The following RGL1 variants were observed in gnomAD, a reference collection of about 807,000 sequenced individuals.
RGL1 encodes the protein ral guanine nucleotide dissociation stimulator like 1.
Under a neutral mutation model 95.2 loss-of-function variants are expected in RGL1, and 24 were observed. The observed-to-expected ratio is 0.25, with a 90% CI of 0.18 to 0.35. The LOEUF is 0.35. Among genes scored for constraint, RGL1 ranks in the 10% least tolerant of loss-of-function variants. The pLI is 1.00. For synonymous variants in RGL1, 329 were observed against 344.9 expected, an observed-to-expected ratio of 0.95 and a Z score of 0.51; for missense variants, 715 against 936.3, an observed-to-expected ratio of 0.76 and a Z score of 3.08.
chr1:183,699,859 T>G (rs188849110), intron 1 of RGL1, among the ~76,000 whole-genome samples: 23 of 152,294 alleles, frequency 1.5e-4, no homozygotes, highest in Admixed American at 1.3e-3. Flanking sequence ...GAAGTCTGGG[T>G]TCTACAATCT....
chr1:183,852,081 A>C (rs1435587512), intron 3 of RGL1, among the ~76,000 whole-genome samples: 1 of 152,232 alleles, frequency 6.6e-6, no homozygotes, highest in African/African-American at 2.4e-5. Flanking sequence ...GCATGTGCTA[A>C]TCATACAATA....
intron 1 of RGL1, among the ~76,000 whole-genome samples, chr1:183,664,801 A>G (rs1176265974): frequency 6.6e-6 from 1 of 151,974 alleles, no homozygotes; most frequent in Non-Finnish European, 1.5e-5. Flanking sequence ...TTCTTTTTGG[A>G]TTGTCTACAT....
At chr1:183,719,510 G>T (rs1655857029) in intron 1 of RGL1, among the ~76,000 whole-genome samples, 2 of 152,124 alleles carry the variant, frequency 1.3e-5, no homozygotes, top group African/African-American at 4.8e-5. Context: ...TTCCTCCTTT[G>T]TTCTGCTAAG....
intron 1 of RGL1, among the ~76,000 whole-genome samples, chr1:183,670,766 A>G (rs757866076): frequency 2.6e-5 from 4 of 152,224 alleles, no homozygotes; most frequent in Non-Finnish European, 5.9e-5. Flanking sequence ...TGGAGTAGCA[A>G]CTTCCAAGCT....
In RGL1 at chr1:183,892,144, C is replaced by A. The variant is rs1459923029; in HGVS notation, c.1123C>A (p.Arg375=). Residue 375 remains arginine (R), a synonymous_variant, in exon 9 of 18, where the codon CGA becomes AGA. Coordinates refer to ENST00000360851, the MANE Select transcript of RGL1 (RefSeq NM_001297671.3). Reference sequence around the variant, plus strand: ...AGACCATAATAACCATTTGACCAGCCGAGAACTACTGATGAAGGTGAGGCT... The same window carrying A: ...AGACCATAATAACCATTTGACCAGCAGAGAACTACTGATGAAGGTGAGGCT... ...FSDHNNHLTS[R]ELLMKEGTSK... 5 of 1,611,556 alleles carry A rather than the reference C, an allele frequency of 3.1e-6. No individual in the cohort carries two copies. Among genetic ancestry groups the A allele is most frequent in the East Asian group, 2.2e-5 (1 of 44,844 alleles).
Position 183,919,371 on chromosome 1 carries a change from C to G in RGL1, c.2004+2670C>G, listed in dbSNP as rs180896555. Reference sequence around the variant, plus strand: ...AGATTTGTAGTTAGAAACCACTGGACCGATTTGTGCTGTTGTGCCAGCAAT... The same window carrying G: ...AGATTTGTAGTTAGAAACCACTGGAGCGATTTGTGCTGTTGTGCCAGCAAT... On this transcript the variant is annotated intron_variant, in intron 16 of 17. Coordinates refer to ENST00000360851, the MANE Select transcript of RGL1 (RefSeq NM_001297671.3). 1.6e-3 allele frequency among the ~76,000 whole-genome samples: 248 copies of G among 152,272 alleles called. 1 individual carries two copies. Among genetic ancestry groups the G allele is most frequent in the African/African-American group, 5.6e-3 (234 of 41,552 alleles).
At chr1:183,708,141 G>A (rs139873361) in intron 1 of RGL1, among the ~76,000 whole-genome samples, 23 of 152,266 alleles carry the variant, frequency 1.5e-4, no homozygotes, top group African/African-American at 5.1e-4. Flanking sequence ...AAGACAAGGC[G>A]CTTAGGGCGG....
rs999249662 is a variant in RGL1 at position 183,724,408 on chromosome 1, C to T, written c.-32-17718C>T. 8.5e-5 allele frequency among the ~76,000 whole-genome samples: 13 copies of T among 152,144 alleles called. 1 individual carries two copies. The highest frequency in any genetic ancestry group is 2.2e-4 in the African/African-American group (9 of 41,440). ...CTGGCTCTTGGACAGCATTTCTGGACGTCCCCTAGGCCAGAGGGGAGCCCA... is the reference window on the plus strand; with the variant it reads ...CTGGCTCTTGGACAGCATTTCTGGATGTCCCCTAGGCCAGAGGGGAGCCCA... On this transcript the variant is annotated intron_variant, in intron 1 of 18. Coordinates refer to the RGL1 transcript ENST00000304685. This position sits in a 1 kb window ranked among gnomAD's most constrained non-coding sequence, Gnocchi z 4.1.
At chr1:183,718,503 A>G (rs898293782) in intron 1 of RGL1, among the ~76,000 whole-genome samples, 1 of 152,204 alleles carries the variant, frequency 6.6e-6, no homozygotes, top group Non-Finnish European at 1.5e-5. Context: ...TTGGGGATAC[A>G]TGAGCAAAGG....
At chr1:183,922,021 T>A (rs892236992) in intron 16 of RGL1, among the ~76,000 whole-genome samples, 1 of 152,200 alleles carries the variant, frequency 6.6e-6, no homozygotes, top group Admixed American at 6.5e-5. Flanking sequence ...ATTAGGTGAC[T>A]CGCCCATCAT....
chr1:183,738,509 T>C (rs903671335), intron 1 of RGL1, among the ~76,000 whole-genome samples: 3 of 152,188 alleles, frequency 2.0e-5, no homozygotes, highest in Admixed American at 6.5e-5. Flanking sequence ...TACATATGCC[T>C]CCTATTTTAA....
intron 1 of RGL1, among the ~76,000 whole-genome samples, chr1:183,734,832 G>T (rs571723105): frequency 4.6e-5 from 7 of 152,198 alleles, no homozygotes; most frequent in Non-Finnish European, 1.0e-4. Flanking sequence ...AATGCTAAAG[G>T]ATATTTTTTT....
At chr1:183,833,184 A>C (rs12038787) in intron 2 of RGL1, among the ~76,000 whole-genome samples, 55,114 of 152,008 alleles carry the variant, frequency 0.36, 11,169 homozygotes, top group Non-Finnish European at 0.46. Context: ...TGTTCTTTTG[A>C]ATCACCCTCA....
chr1:183,709,595 A>G (rs1358591517), intron 1 of RGL1: 1 of 186,812 alleles, frequency 5.4e-6, no homozygotes, highest in African/African-American at 2.4e-5. Flanking sequence ...GCTTTTGCAA[A>G]TGGATTGTGT....
chr1:183,713,313 C>T lies in RGL1; in HGVS notation c.-32-28813C>T, dbSNP rs1249478917. On this transcript the variant is annotated intron_variant, in intron 1 of 18. Transcript: ENST00000304685. ...GGATTACAGGCATGAGCCACTGCAC[C>T]TGGCTGGGATGGAGGATTTTAAAAG... Among the ~76,000 whole-genome samples, 5 of 146,824 alleles carry T rather than the reference C, an allele frequency of 3.4e-5. No homozygotes were observed. In the Admixed American group the frequency reaches 3.4e-4, roughly 10 times the overall value.
intron 11 of RGL1, 33 bp downstream of exon 11, chr1:183,900,269 G>T (rs1341621788): frequency 6.4e-7 from 1 of 1,551,032 alleles, no homozygotes. Context: ...GATCGGGCCT[G>T]CAGCCTTCCC....
intron 12 of RGL1, among the ~76,000 whole-genome samples, chr1:183,903,501 T>C (rs1668144375): frequency 6.6e-6 from 1 of 152,222 alleles, no homozygotes; most frequent in Admixed American, 6.5e-5. Flanking sequence ...CACCCTGTAG[T>C]ACTCTCGTTA....
chr1:183,784,861 A>G (rs925245489), intron 2 of RGL1, among the ~76,000 whole-genome samples: 1 of 152,202 alleles, frequency 6.6e-6, no homozygotes, highest in African/African-American at 2.4e-5. Flanking sequence ...AATTTCGGCC[A>G]TTCTCCTTCC....
intron 1 of RGL1, among the ~76,000 whole-genome samples, chr1:183,663,787 A>C (rs1350230439): frequency 6.6e-6 from 1 of 151,106 alleles, no homozygotes. Flanking sequence ...AGCACTATTC[A>C]CAATAGCAAA....
Sources: gnomAD v4.1 joint callset for allele counts (sites outside exome capture counted in the v4.1 genomes callset) on GRCh38, gnomAD v4.1.1 for gene constraint, Gnocchi (gnomAD v3.1) non-coding constraint, MANE v1.5 for transcripts, NCBI Gene and HGNC (gene_info 2026-07-23, HGNC 2026-07-21) for gene names.